Variants in UBE2E1 observed in about 807,000 individuals in gnomAD.
UBE2E1 encodes ubiquitin conjugating enzyme E2 E1, also known as ubiquitin-conjugating enzyme E2 E1.
UBE2E1 carries 6 observed loss-of-function variants against 21.4 expected under a neutral mutation model. The observed-to-expected ratio is 0.28, with a 90% CI of 0.15 to 0.55. The LOEUF is 0.55. Among genes scored for constraint, UBE2E1 ranks in the 20% least tolerant of loss-of-function variants. UBE2E1 has a pLI of 0.93. For synonymous variants in UBE2E1, 87 were observed against 82.7 expected (o/e 1.05, Z -0.28); for missense variants, 142 against 236.5 (o/e 0.60, Z 2.62).
At chr3:23,850,527 A>AT (rs145682143) in intron 3 of UBE2E1, among the ~76,000 whole-genome samples, 27,148 of 149,012 alleles carry the variant, frequency 0.18, 2,471 homozygotes, top group Non-Finnish European at 0.2. Context: ...TATTATTATT[A>AT]TTTTTTTTTG....
chr3:23,865,015 C>A (rs1282447519), intron 3 of UBE2E1, among the ~76,000 whole-genome samples: 1 of 152,232 alleles, frequency 6.6e-6, no homozygotes, highest in Non-Finnish European at 1.5e-5. Flanking sequence ...ATTTCTCTTT[C>A]TGTGTAACAA....
At chr3:23,829,639 C>T (rs756189873) in intron 3 of UBE2E1, among the ~76,000 whole-genome samples, 3 of 151,938 alleles carry the variant, frequency 2.0e-5, no homozygotes, top group Non-Finnish European at 4.4e-5. Flanking sequence ...GGAAAGTTTA[C>T]AGATTTAGGG....
intron 3 of UBE2E1, among the ~76,000 whole-genome samples, chr3:23,859,399 A>G (rs1022927636): frequency 3.9e-5 from 6 of 152,206 alleles, no homozygotes; most frequent in Admixed American, 2.0e-4. Context: ...TCACCTGAGC[A>G]CATGCCCCAT....
chr3:23,853,682 A>G lies in UBE2E1; in HGVS notation c.204-33885A>G, dbSNP rs994327298. Among the ~76,000 whole-genome samples the G allele has an allele frequency of 3.3e-5, 5 of 152,088 alleles. No homozygotes were observed. Among genetic ancestry groups the G allele is most frequent in the African/African-American group, 1.2e-4 (5 of 41,398 alleles). ...GTCCCTCTTAACTTGTTTCTTGGTA[A>G]TGAGTGAATTGGTGAAAATAACTAC... On this transcript the variant is annotated intron_variant, in intron 3 of 5. Transcript: ENST00000306627. The surrounding 1 kb of genome is among the most constrained non-coding windows in gnomAD (Gnocchi z 4.1).
At chr3:23,819,881 G>A (rs1349157545) in intron 3 of UBE2E1, among the ~76,000 whole-genome samples, 7 of 152,170 alleles carry the variant, frequency 4.6e-5, no homozygotes, top group African/African-American at 1.7e-4. Flanking sequence ...AAGATGTATT[G>A]GAGAAAATAT....
chr3:23,875,665 T>A (rs1700898994), intron 3 of UBE2E1, among the ~76,000 whole-genome samples: 1 of 152,226 alleles, frequency 6.6e-6, no homozygotes, highest in African/African-American at 2.4e-5. Context: ...GCCACACTGT[T>A]GGAGATCTTA....
rs372022752 is a variant in UBE2E1 at position 23,810,755 on chromosome 3, C to A, written c.153-705C>A. 7.0e-6 allele frequency: 2 copies of A among 285,218 alleles called. No individual in the cohort carries two copies. Among genetic ancestry groups the A allele is most frequent in the Non-Finnish European group, 1.3e-5 (2 of 155,160 alleles). The allele number at this position is 285,218 out of a possible 1,614,324, so 17.7% of individuals were successfully genotyped here. ...CCCCGTGCGGGCACCCTGTTCCCCT[C>A]CCCCGCCCGCAACTTCACCGGCGCG... On this transcript the variant is annotated intron_variant, in intron 2 of 5. Coordinates refer to ENST00000306627, the MANE Select transcript of UBE2E1 (RefSeq NM_003341.5). The surrounding 1 kb of genome is among the most constrained non-coding windows in gnomAD (Gnocchi z 5.8).
intron 3 of UBE2E1, among the ~76,000 whole-genome samples, chr3:23,833,417 A>T (rs1471061): frequency 0.87 from 132,559 of 152,218 alleles, 58,125 homozygotes; most frequent in African/African-American, 0.97. Flanking sequence ...TTAATGAATT[A>T]GTTTTATTAT....
rs1699975545 is a variant in UBE2E1, at chr3:23,836,376, A to G, written c.203+24866A>G. ...AATGTATTTACTCATTAAACATCAG[A>G]TGTCTTCCACATGCCATGTGCTGTA... On this transcript the variant is annotated intron_variant, in intron 3 of 5. Transcript: ENST00000306627. This position sits in a 1 kb window ranked among gnomAD's most constrained non-coding sequence, Gnocchi z 4.1. Among the ~76,000 whole-genome samples the G allele has an allele frequency of 1.3e-5, 2 of 152,210 alleles. No individual in the cohort carries two copies. Among genetic ancestry groups the G allele is most frequent in the African/African-American group, 4.8e-5 (2 of 41,438 alleles).
In UBE2E1 at chr3:23,810,575, G is replaced by T; in HGVS notation, c.153-885G>T. ...GTCCCGGCCAGCGTGCGGGGCGGAGGCAGGGTCCGGTGCACCTGTGCGGCC... is the reference window on the plus strand; with the variant it reads ...GTCCCGGCCAGCGTGCGGGGCGGAGTCAGGGTCCGGTGCACCTGTGCGGCC... On this transcript the variant is annotated intron_variant, in intron 2 of 5. Coordinates refer to ENST00000306627, the MANE Select transcript of UBE2E1 (RefSeq NM_003341.5). The surrounding 1 kb of genome is among the most constrained non-coding windows in gnomAD (Gnocchi z 5.8). The T allele has an allele frequency of 1.3e-6, 2 of 1,507,678 alleles. No homozygotes were observed. Among genetic ancestry groups the T allele is most frequent in the Non-Finnish European group, 1.8e-6 (2 of 1,127,854 alleles). The allele number at this position is 1,507,678 out of a possible 1,614,324, so 93.4% of individuals were successfully genotyped here. A position where few individuals can be genotyped will look rare whatever the true frequency, so the allele number is the denominator to read the frequency against.
intron 3 of UBE2E1, among the ~76,000 whole-genome samples, chr3:23,828,271 T>A (rs1699796443): frequency 6.6e-6 from 1 of 152,220 alleles, no homozygotes; most frequent in African/African-American, 2.4e-5. Flanking sequence ...GATGTTACCA[T>A]CAATCACAGA....
chr3:23,807,085 C>T, intron 1 of UBE2E1, 152 bp from the exon 2 acceptor site: 1 of 580,444 alleles, frequency 1.7e-6, no homozygotes, highest in Non-Finnish European at 2.9e-6. Flanking sequence ...TTTGCAAAAG[C>T]CTTAATGGGC....
At chr3:23,864,931 A>G (rs559420520) in intron 3 of UBE2E1, among the ~76,000 whole-genome samples, 6 of 152,310 alleles carry the variant, frequency 3.9e-5, no homozygotes, top group African/African-American at 1.4e-4. Context: ...CTCTGCCCTC[A>G]TCCATGTTAA....
At chr3:23,825,737 G>A (rs1699743987) in intron 3 of UBE2E1, among the ~76,000 whole-genome samples, 1 of 152,190 alleles carries the variant, frequency 6.6e-6, no homozygotes, top group Non-Finnish European at 1.5e-5. Context: ...GCTGGACATA[G>A]TGAATGAGGG....
chr3:23,869,061 G>A (rs1364739341), intron 3 of UBE2E1, among the ~76,000 whole-genome samples: 1 of 152,066 alleles, frequency 6.6e-6, no homozygotes, highest in Non-Finnish European at 1.5e-5. Flanking sequence ...TCACATGCAC[G>A]TGTCCAGTTA....
intron 3 of UBE2E1, among the ~76,000 whole-genome samples, chr3:23,818,076 G>T (rs115122165): frequency 6.6e-6 from 1 of 152,122 alleles, no homozygotes; most frequent in African/African-American, 2.4e-5. Flanking sequence ...GGAAAGAGAG[G>T]TAGAAGACAG....
intron 3 of UBE2E1, among the ~76,000 whole-genome samples, chr3:23,864,650 T>TA (rs1270210364): frequency 6.6e-6 from 1 of 152,258 alleles, no homozygotes; most frequent in African/African-American, 2.4e-5. Flanking sequence ...TGGATATTAA[T>TA]AAGTTTATTT....
At position 23,887,722 on chromosome 3, in the gene UBE2E1, C is replaced by G. The variant is rs1701219716; in HGVS notation, c.336+23C>G. ...AAGGTAAGAAATCTCCCTGTATGCTCAAATTTACTAATTCCCACAAGAGAG... is the reference window on the plus strand; with the variant it reads ...AAGGTAAGAAATCTCCCTGTATGCTGAAATTTACTAATTCCCACAAGAGAG... On this transcript the variant is annotated intron_variant, in intron 4 of 5. Coordinates refer to ENST00000306627, the MANE Select transcript of UBE2E1 (RefSeq NM_003341.5). This position sits in a 1 kb window ranked among gnomAD's most constrained non-coding sequence, Gnocchi z 4.4. 3 of 1,586,564 alleles carry G rather than the reference C, an allele frequency of 1.9e-6. No homozygotes were observed. The highest frequency in any genetic ancestry group is 1.7e-6 in the Non-Finnish European group (2 of 1,172,302).
intron 3 of UBE2E1, among the ~76,000 whole-genome samples, chr3:23,825,150 C>T (rs910280517): frequency 3.3e-5 from 5 of 152,144 alleles, no homozygotes; most frequent in Non-Finnish European, 7.4e-5. Flanking sequence ...TTAAATCTTA[C>T]TCCTAGTTTT....
Sources: gnomAD v4.1 joint callset for allele counts (sites outside exome capture counted in the v4.1 genomes callset) on GRCh38, gnomAD v4.1.1 for gene constraint, Gnocchi (gnomAD v3.1) non-coding constraint, MANE v1.5 for transcripts, NCBI Gene and HGNC (gene_info 2026-07-23, HGNC 2026-07-21) for gene names.